Variants in TENM4 observed in about 807,000 individuals in gnomAD.
The protein encoded by TENM4 is teneurin transmembrane protein 4.
TENM4 carries 82 observed loss-of-function variants against 243.3 expected under a neutral mutation model. The ratio of observed to expected loss-of-function variants is 0.34; its 90% CI spans 0.28 to 0.40. TENM4 has a LOEUF of 0.40. TENM4 is among the 10% of genes least tolerant of loss of function. TENM4 has a pLI of 1.00. For missense variants in TENM4, 3,138 were observed against 3,673.3 expected, an observed-to-expected ratio of 0.85 and a Z score of 3.77; for synonymous variants, 1,412 against 1,456.3, an observed-to-expected ratio of 0.97 and a Z score of 0.69.
chr11:79,255,117 G>C (rs1855678625), intron 2 of TENM4, among the ~76,000 whole-genome samples: 1 of 152,184 alleles, frequency 6.6e-6, no homozygotes, highest in Non-Finnish European at 1.5e-5. Flanking sequence ...CAGAATTGGG[G>C]GCGTGGTGCA....
In TENM4 at chr11:78,736,488, G is replaced by GCGCGCGCGCGCA. The variant is rs1565356367; in HGVS notation, c.2876+1962_2876+1963insTGCGCGCGCGCG. Reference sequence around the variant, plus strand: ...TGTGTGTGTGTGTGTGTGCGCGCGCGTGCATGTGAGTAGGGGTGGGGGAGC... The same window carrying GCGCGCGCGCGCA: ...TGTGTGTGTGTGTGTGTGCGCGCGCGCGCGCGCGCGCATGCATGTGAGTAGGGGTGGGGGAGC... On this transcript the variant is annotated intron_variant, in intron 20 of 33. Transcript: ENST00000278550. Among the ~76,000 whole-genome samples the GCGCGCGCGCGCA allele has an allele frequency of 3.4e-3, 515 of 149,574 alleles. 2 individuals carry two copies. The highest frequency in any genetic ancestry group is 0.012 in the African/African-American group (483 of 40,756).
intron 12 of TENM4, among the ~76,000 whole-genome samples, chr11:78,843,379 T>C (rs931987736): frequency 6.6e-6 from 1 of 152,156 alleles, no homozygotes; most frequent in Non-Finnish European, 1.5e-5. Context: ...CCTAGCTATT[T>C]GGGTGGCTGA....
At chr11:78,983,080 T>G (rs878985163) in intron 6 of TENM4, among the ~76,000 whole-genome samples, 5 of 152,348 alleles carry the variant, frequency 3.3e-5, no homozygotes, top group South Asian at 2.1e-4. Context: ...TATCTTTTCT[T>G]GAAGGCTCAG....
intron 6 of TENM4, among the ~76,000 whole-genome samples, chr11:79,050,712 G>A (rs1205674319): frequency 6.6e-6 from 1 of 152,182 alleles, no homozygotes; most frequent in East Asian, 1.9e-4. Flanking sequence ...ACTAAGTACA[G>A]CAAACTCATT....
intron 27 of TENM4, among the ~76,000 whole-genome samples, chr11:78,704,896 T>A (rs1418380548): frequency 6.6e-6 from 1 of 152,166 alleles, no homozygotes; most frequent in Non-Finnish European, 1.5e-5. Context: ...GGGCAGGCCC[T>A]TTCTCAGTTC....
intron 1 of TENM4, among the ~76,000 whole-genome samples, chr11:79,300,298 A>G (rs1856530043): frequency 6.6e-6 from 1 of 152,244 alleles, no homozygotes; most frequent in South Asian, 2.1e-4. Context: ...CAGATGCTTT[A>G]CAAGGTGGGA....
intron 2 of TENM4, among the ~76,000 whole-genome samples, chr11:79,284,725 T>C (rs1312099360): frequency 6.6e-6 from 1 of 152,224 alleles, no homozygotes; most frequent in South Asian, 2.1e-4. Context: ...TGAAAAAGTT[T>C]TGTTCTTCAA....
rs537480519 is a variant in TENM4, at chr11:79,351,576, A to G, written c.-320-54033T>C. Among the ~76,000 whole-genome samples, 4 of 152,186 alleles carry G rather than the reference A, an allele frequency of 2.6e-5. No individual in the cohort carries two copies. In the East Asian group the frequency reaches 7.7e-4, roughly 29 times the overall value. On this transcript the variant is annotated intron_variant, in intron 1 of 33. Transcript: ENST00000278550. ...CAAAAATTAGCCAGGCGTGATTGGC[A>G]GGCATCTGTAATCCCAGCTACTCAG...
At chr11:79,003,240 C>A (rs1698287698) in intron 6 of TENM4, among the ~76,000 whole-genome samples, 4 of 151,994 alleles carry the variant, frequency 2.6e-5, no homozygotes, top group Admixed American at 2.6e-4. Context: ...AGGATATCAC[C>A]CAGGAAAATT....
intron 1 of TENM4, among the ~76,000 whole-genome samples, chr11:79,315,048 C>T (rs556719914): frequency 3.3e-5 from 5 of 152,308 alleles, no homozygotes; most frequent in Admixed American, 3.3e-4. Flanking sequence ...GGTAGGAACA[C>T]AGATGAAGGC....
At chr11:79,254,251 G>A (rs1307193779) in intron 2 of TENM4, among the ~76,000 whole-genome samples, 14 of 152,016 alleles carry the variant, frequency 9.2e-5, no homozygotes, top group African/African-American at 3.1e-4. Flanking sequence ...CTAGAAAAAC[G>A]TAAGTGTCTT....
intron 4 of TENM4, among the ~76,000 whole-genome samples, chr11:79,091,281 T>A (rs1028441859): frequency 1.3e-5 from 2 of 152,244 alleles, no homozygotes; most frequent in African/African-American, 2.4e-5. Flanking sequence ...CAGCCTGGGA[T>A]AACTTGATTC....
chr11:79,348,152 T>C (rs974489957), intron 1 of TENM4, among the ~76,000 whole-genome samples: 32 of 152,218 alleles, frequency 2.1e-4, no homozygotes, highest in African/African-American at 6.3e-4. Flanking sequence ...TTTTTGAGCC[T>C]TTTGTGCCCA....
At chr11:79,272,084 C>T (rs1165053080) in intron 2 of TENM4, among the ~76,000 whole-genome samples, 1 of 152,188 alleles carries the variant, frequency 6.6e-6, no homozygotes, top group African/African-American at 2.4e-5. Context: ...TTTTCAGCCT[C>T]AGGCCTTTGT....
chr11:79,065,600 C>T (rs1194544086), intron 5 of TENM4, among the ~76,000 whole-genome samples: 1 of 152,198 alleles, frequency 6.6e-6, no homozygotes, highest in Non-Finnish European at 1.5e-5. Flanking sequence ...AAGTTCCTTT[C>T]TGGCCAGGTC....
At chr11:79,434,269 G>C (rs557104842) in intron 1 of TENM4, among the ~76,000 whole-genome samples, 3 of 152,306 alleles carry the variant, frequency 2.0e-5, no homozygotes. Flanking sequence ...ACTCCGTGGG[G>C]TTGATTTTTC....
chr11:79,265,712 A>G (rs1855872731), intron 2 of TENM4, among the ~76,000 whole-genome samples: 1 of 152,072 alleles, frequency 6.6e-6, no homozygotes, highest in African/African-American at 2.4e-5. Context: ...AATAAACTCT[A>G]TCTTTCTCGC....
chr11:78,932,264 C>T (rs1856685854), intron 6 of TENM4, among the ~76,000 whole-genome samples: 1 of 152,164 alleles, frequency 6.6e-6, no homozygotes, highest in African/African-American at 2.4e-5. Context: ...ACCCCCTCAC[C>T]ACCACCCCCA....
chr11:79,359,221 G>C (rs1040846239), intron 1 of TENM4, among the ~76,000 whole-genome samples: 3 of 152,160 alleles, frequency 2.0e-5, no homozygotes, highest in South Asian at 2.1e-4. Flanking sequence ...AGCTATGATT[G>C]CACCACTGCA....
Sources: gnomAD v4.1 joint callset for allele counts (sites outside exome capture counted in the v4.1 genomes callset) on GRCh38, gnomAD v4.1.1 for gene constraint, MANE v1.5 for transcripts, NCBI Gene and HGNC (gene_info 2026-07-23, HGNC 2026-07-21) for gene names.